Variants in OLFML3 observed in about 807,000 individuals in gnomAD.
OLFML3 encodes the protein olfactomedin-like protein 3.
Under a neutral mutation model 36.0 loss-of-function variants are expected in OLFML3, and 26 were observed. That is an observed-to-expected ratio of 0.72 (90% CI 0.53 to 1.00). The LOEUF (loss-of-function observed/expected upper bound fraction) is 1.00. Ranked by LOEUF, OLFML3 falls within the 50% of genes least tolerant of loss-of-function variation. The probability of loss-of-function intolerance (pLI) is 0.00; values close to 1 mark genes in which losing one functional copy is unlikely to be tolerated. For missense variants in OLFML3, 503 were observed against 519.4 expected, an observed-to-expected ratio of 0.97 and a Z score of 0.31; for synonymous variants, 184 against 201.2, an observed-to-expected ratio of 0.91 and a Z score of 0.72.
chr1:113,980,735 G>A (rs1673381977), intron 2 of OLFML3, 118 bp downstream of exon 2: 2 of 1,239,660 alleles, frequency 1.6e-6, no homozygotes, highest in South Asian at 3.4e-5. Context: ...TCTGGAATCT[G>A]TTTTAGGGAA....
At chr1:113,980,664 TCTTC>T (rs1558159521) in intron 2 of OLFML3, 47 bp downstream of exon 2, 1 of 1,502,442 alleles carries the variant, frequency 6.7e-7, no homozygotes, top group Non-Finnish European at 8.9e-7. Context: ...GAACCGATAT[TCTTC>T]CTTCCTTGCT....
chr1:113,980,348 G>T lies in OLFML3; in HGVS notation c.131G>T (p.Cys44Phe), dbSNP rs1571751964. 6.4e-7 allele frequency: 1 copy of T among 1,562,688 alleles called. No individual in the cohort carries two copies. The highest frequency in any genetic ancestry group is 2.2e-5 in the East Asian group (1 of 44,500). The change falls in exon 2 of 3, where the codon TGC becomes TTC. Residue 44 changes from cysteine (C) to phenylalanine (F), a missense_variant. Coordinates refer to ENST00000320334, the MANE Select transcript of OLFML3 (RefSeq NM_020190.5). Reference protein sequence around the residue: ...LAALEERLAQCQDQSSRHAAE... With the variant: ...LAALEERLAQFQDQSSRHAAE... The stretch of plus-strand genomic sequence containing the variant: ...TCCCTTCAGGAACGGCTGGCCCAGT[G>T]CCAGGACCAGAGTAGTCGGCATGCT...
At chr1:113,980,296 C>A in intron 1 of OLFML3, 36 bp from the exon 2 acceptor site, 1 of 1,528,404 alleles carries the variant, frequency 6.5e-7, no homozygotes, top group Non-Finnish European at 8.8e-7. Flanking sequence ...GGAGTTGTAA[C>A]CCTGCAGCCT....
chr1:113,980,227 G>A, intron 1 of OLFML3, 105 bp from the exon 2 acceptor site: 1 of 1,522,832 alleles, frequency 6.6e-7, no homozygotes, highest in Non-Finnish European at 8.8e-7. Context: ...ATTGAAGCCT[G>A]GCTGAGTTTG....
rs775195558 is a variant in OLFML3 at position 113,981,198 on chromosome 1, GCTTT to G, written c.655_658del (p.Leu219IlefsTer22). On this transcript the variant is annotated frameshift_variant, in exon 3 of 3. Transcript: ENST00000320334. LOFTEE classifies it high-confidence loss of function. ...GGCACAGGGCAGCTGGTATATGGTGGCTTTCTTTATTTTGCTCGGAGGCCTCCTG... is the reference window on the plus strand; with the variant it reads ...GGCACAGGGCAGCTGGTATATGGTGGCTTTATTTTGCTCGGAGGCCTCCTG... The G allele has an allele frequency of 2.7e-5, 43 of 1,614,064 alleles. No homozygotes were observed. The South Asian group carries it at 4.2e-4, about 16-fold the overall frequency.
In OLFML3 at chr1:113,981,217, G is replaced by T; in HGVS notation, c.669G>T (p.Arg223=). Reference sequence around the variant, plus strand: ...ATGGTGGCTTTCTTTATTTTGCTCGGAGGCCTCCTGGAAGACCTGGTGGAG... The same window carrying T: ...ATGGTGGCTTTCTTTATTTTGCTCGTAGGCCTCCTGGAAGACCTGGTGGAG... ...LVYGGFLYFA[R]RPPGRPGGGG... Residue 223 remains arginine (R), a synonymous_variant, in exon 3 of 3, where the codon CGG becomes CGT. Coordinates refer to ENST00000320334, the MANE Select transcript of OLFML3 (RefSeq NM_020190.5). The T allele has an allele frequency of 6.2e-7, 1 of 1,614,074 alleles. No individual in the cohort carries two copies. Among genetic ancestry groups the T allele is most frequent in the South Asian group, 1.1e-5 (1 of 91,074 alleles).
intron 1 of OLFML3, chr1:113,979,987 A>G: frequency 6.8e-7 from 1 of 1,460,344 alleles, no homozygotes; most frequent in Non-Finnish European, 9.1e-7. Flanking sequence ...TGAGATCCGT[A>G]GCATTTTAGT....
rs747306945 is a variant in OLFML3 at position 113,981,373 on chromosome 1, C to T, written c.825C>T (p.Asp275=). The change falls in exon 3 of 3, where the codon GAC becomes GAT. Residue 275 remains aspartate (D), a synonymous_variant. Coordinates refer to ENST00000320334, the MANE Select transcript of OLFML3 (RefSeq NM_020190.5). The stretch of plus-strand genomic sequence containing the variant: ...GCTTGACAGCAGACACCTACATCGA[C>T]CTGGCAGCTGATGAGGAAGGTCTTT... ...PYGLTADTYI[D]LAADEEGLWA... 3.7e-6 allele frequency: 6 copies of T among 1,609,102 alleles called. No individual in the cohort carries two copies. Among genetic ancestry groups the T allele is most frequent in the Non-Finnish European group, 5.1e-6 (6 of 1,177,398 alleles).
In OLFML3 at chr1:113,980,486, T is replaced by C. The variant is rs1327612855; in HGVS notation, c.269T>C (p.Leu90Pro). Reference sequence around the variant, plus strand: ...ACCATCTCCGGGAGAGTGGATCGTCTGGAGCGGGAGGTAGACTATCTGGAG... The same window carrying C: ...ACCATCTCCGGGAGAGTGGATCGTCCGGAGCGGGAGGTAGACTATCTGGAG... ...ADTISGRVDR[L>P]EREVDYLETQ... is the part of the protein sequence containing the mutation. Residue 90 changes from leucine (L) to proline (P), a missense_variant, in exon 2 of 3, where the codon CTG (leucine) becomes CCG (proline). Leu to Pro is a moderately conservative substitution (Grantham distance 98). Transcript: ENST00000320334. 1 of 1,614,144 alleles carries C rather than the reference T, an allele frequency of 6.2e-7. No homozygotes were observed. Among genetic ancestry groups the C allele is most frequent in the African/African-American group, 1.3e-5 (1 of 75,036 alleles).
Position 113,981,494 on chromosome 1 carries a change from T to C in OLFML3, c.946T>C (p.Cys316Arg), listed in dbSNP as rs753336744. 1.2e-6 allele frequency: 2 copies of C among 1,613,954 alleles called. No individual in the cohort carries two copies. The highest frequency in any genetic ancestry group is 1.7e-5 in the Admixed American group (1 of 60,000). ...CACAGAGCAGCAGTGGGACACACCA[T>C]GTCCCAGAGAGAATGCTGAGGCTGC... is the stretch of plus-strand genomic sequence containing the variant. The part of the protein sequence containing the change: ...LDTEQQWDTP[C>R]PRENAEAAFV... The change falls in exon 3 of 3, where the codon TGT becomes CGT. Residue 316 changes from cysteine (C) to arginine (R), a missense_variant. Cys to Arg is a radical substitution (Grantham distance 180, BLOSUM62 -3). Coordinates refer to ENST00000320334, the MANE Select transcript of OLFML3 (RefSeq NM_020190.5).
intron 1 of OLFML3, 82 bp downstream of exon 1, chr1:113,979,712 A>C: frequency 9.2e-7 from 1 of 1,083,338 alleles, no homozygotes; most frequent in Non-Finnish European, 1.4e-6. Flanking sequence ...GGATCTGGGG[A>C]TAACAAGAAA....
rs1673368569 is a variant in OLFML3, at chr1:113,980,424, A to G, written c.207A>G (p.Ala69=). 1.2e-6 allele frequency: 2 copies of G among 1,612,872 alleles called. No individual in the cohort carries two copies. The highest frequency in any genetic ancestry group is 1.3e-5 in the African/African-American group (1 of 74,870). ...KNKMLPLLEV[A]EKEREALRTE... is the part of the protein sequence containing the mutation. Reference sequence around the variant, plus strand: ...AGATGCTGCCACTGCTGGAGGTGGCAGAGAAGGAGCGGGAGGCACTCAGAA... The same window carrying G: ...AGATGCTGCCACTGCTGGAGGTGGCGGAGAAGGAGCGGGAGGCACTCAGAA... The change falls in exon 2 of 3, where the codon GCA becomes GCG. Residue 69 remains alanine (A), a synonymous_variant. Transcript: ENST00000320334.
In OLFML3 at chr1:113,981,103, G is replaced by T. The variant is rs768872164; in HGVS notation, c.555G>T (p.Arg185Ser). 3.7e-6 allele frequency: 6 copies of T among 1,613,778 alleles called. No individual in the cohort carries two copies. The highest frequency in any genetic ancestry group is 3.3e-5 in the Admixed American group (2 of 59,954). ...ATGACACAGCCTTTGTCTTCCCAAG[G>T]CTGCGTGACTTCACCCTTGCCATGG... ...TQNDTAFVFP[R>S]LRDFTLAMAA... Residue 185 changes from arginine to serine, a missense_variant, in exon 3 of 3, where the codon AGG becomes AGT. Transcript: ENST00000320334.
In OLFML3 at chr1:113,980,997, G is replaced by A. The variant is rs376475211; in HGVS notation, c.449G>A (p.Arg150Gln). The A allele has an allele frequency of 3.9e-6, 6 of 1,545,338 alleles. No homozygotes were observed. Among genetic ancestry groups the A allele is most frequent in the African/African-American group, 1.4e-5 (1 of 72,812 alleles). Residue 150 changes from arginine to glutamine, a missense_variant, in exon 3 of 3, where the codon CGA (arginine) becomes CAA (glutamine). By Grantham distance (43) the Arg-to-Gln change is conservative (BLOSUM62 1). Transcript: ENST00000320334. ...SQVRSMKILK[R>Q]FGGPAGLWTK... is the part of the protein sequence containing the mutation. The stretch of plus-strand genomic sequence containing the variant: ...GTGAGATCAATGAAGATTCTGAAGC[G>A]ATTTGGTGGCCCAGCTGGTCTATGG...
At position 113,981,697 on chromosome 1, in the gene OLFML3, G is replaced by A; in HGVS notation, c.1149G>A (p.Gln383=). ...TCCGCTATAACCCCCGAGAACGCCA[G>A]CTCTATGCCTGGGATGATGGCTACC... is the stretch of plus-strand genomic sequence containing the variant. The part of the protein sequence containing the change: ...ASLRYNPRER[Q]LYAWDDGYQI... Residue 383 remains glutamine, a synonymous_variant, in exon 3 of 3, where the codon CAG becomes CAA. Coordinates refer to ENST00000320334, the MANE Select transcript of OLFML3 (RefSeq NM_020190.5). 1.2e-6 allele frequency: 2 copies of A among 1,613,996 alleles called. No homozygotes were observed. The highest frequency in any genetic ancestry group is 1.7e-6 in the Non-Finnish European group (2 of 1,179,996).
intron 1 of OLFML3, 144 bp downstream of exon 1, chr1:113,979,774 A>C: frequency 1.2e-6 from 1 of 825,546 alleles, no homozygotes; most frequent in South Asian, 1.8e-5. Context: ...GGACCTTCGG[A>C]ATGACAAGCC....
Position 113,981,007 on chromosome 1 carries a change from C to T in OLFML3, c.459C>T (p.Gly153=). Residue 153 remains glycine, a synonymous_variant, in exon 3 of 3, where the codon GGC becomes GGT. Transcript: ENST00000320334. ...RSMKILKRFG[G]PAGLWTKDPL... is the part of the protein sequence containing the mutation. ...TGAAGATTCTGAAGCGATTTGGTGGCCCAGCTGGTCTATGGACCAAGGATC... is the reference window on the plus strand; with the variant it reads ...TGAAGATTCTGAAGCGATTTGGTGGTCCAGCTGGTCTATGGACCAAGGATC... 2 of 1,551,992 alleles carry T rather than the reference C, an allele frequency of 1.3e-6. No individual in the cohort carries two copies. The highest frequency in any genetic ancestry group is 1.2e-5 in the South Asian group (1 of 80,650).
rs1673320134 is a variant in OLFML3 at position 113,979,498 on chromosome 1, C to A, written c.-19C>A. On this transcript the variant is annotated 5_prime_UTR_variant, in exon 1 of 3. Coordinates refer to ENST00000320334, the MANE Select transcript of OLFML3 (RefSeq NM_020190.5). ...TGACTGTACGTTCCTTCTACTCTGG[C>A]ACCACTCTCCAGGCTGCCATGGGGC... The A allele has an allele frequency of 5.1e-6, 8 of 1,563,278 alleles. No individual in the cohort carries two copies. The highest frequency in any genetic ancestry group is 7.1e-6 in the Non-Finnish European group (8 of 1,133,736).
Position 113,981,026 on chromosome 1 carries a change from A to C in OLFML3, c.478A>C (p.Lys160Gln). ...TGGTGGCCCAGCTGGTCTATGGACC[A>C]AGGATCCACTGGGGCAAACAGAGAA... ...RFGGPAGLWT[K>Q]DPLGQTEKIY... The change falls in exon 3 of 3, where the codon AAG becomes CAG. Residue 160 changes from lysine to glutamine, a missense_variant. Lys to Gln is a moderately conservative substitution (Grantham distance 53, BLOSUM62 1). Coordinates refer to ENST00000320334, the MANE Select transcript of OLFML3 (RefSeq NM_020190.5). 6.3e-7 allele frequency: 1 copy of C among 1,587,040 alleles called. No individual in the cohort carries two copies. Among genetic ancestry groups the C allele is most frequent in the South Asian group, 1.2e-5 (1 of 86,504 alleles).
Sources: allele counts gnomAD v4.1 joint callset, GRCh38; gene constraint gnomAD v4.1.1; transcripts MANE v1.5; gene names NCBI Gene and HGNC (gene_info 2026-07-23, HGNC 2026-07-21).